Variants in GPHN observed in about 807,000 individuals in gnomAD.
The protein encoded by GPHN is gephyrin.
A neutral mutation model predicts 95.5 loss-of-function variants in GPHN; 17 were observed. That is an observed-to-expected ratio of 0.18 (90% confidence interval 0.12 to 0.27). The LOEUF is 0.27. GPHN is among the 10% of genes least tolerant of loss of function. GPHN has a pLI of 1.00. For synonymous variants in GPHN, 320 were observed against 322.5 expected (o/e 0.99, Z 0.08); for missense variants, 660 against 978.1 (o/e 0.67, Z 4.34).
chr14:66,965,359 C>G, intron 9 of GPHN, 34 bp downstream of exon 9: 1 of 1,597,998 alleles, frequency 6.3e-7, no homozygotes, highest in Non-Finnish European at 8.6e-7. Flanking sequence ...TACACCTGCT[C>G]TTCTATAGTA....
At chr14:67,733,714 C>T in the GPHN span, 1 of 1,438,168 alleles carries the variant, frequency 7.0e-7, no homozygotes. Context: ...AATTCTCATT[C>T]CTGGAATTTA....
chr14:66,693,505 G>T (rs72726494), intron 2 of GPHN, among the ~76,000 whole-genome samples: 8,910 of 152,180 alleles, frequency 0.059, 353 homozygotes, highest in Middle Eastern at 0.099. Flanking sequence ...CAGTTATGGA[G>T]GCTGAGGACT....
At chr14:67,320,635 T>TTA in the GPHN span, among the ~76,000 whole-genome samples, 1 of 152,188 alleles carries the variant, frequency 6.6e-6, no homozygotes, top group Non-Finnish European at 1.5e-5. Context: ...TTTGGGCCCC[T>TTA]TATAATTTCC....
At chr14:67,004,942 T>C (rs986028318) in intron 9 of GPHN, among the ~76,000 whole-genome samples, 1 of 151,762 alleles carries the variant, frequency 6.6e-6, no homozygotes. Context: ...TTTTCATCCT[T>C]TAAATCATTT....
the GPHN span, chr14:67,382,661 G>T: frequency 6.4e-7 from 1 of 1,554,526 alleles, no homozygotes; most frequent in South Asian, 1.1e-5. Context: ...AGGTAAATAA[G>T]AGCTGTCGGC....
intron 1 of GPHN, among the ~76,000 whole-genome samples, chr14:66,649,835 A>G (rs147054335): frequency 1.4e-3 from 207 of 152,310 alleles, no homozygotes; most frequent in African/African-American, 4.7e-3. Context: ...CTTCAATTGT[A>G]CAGCTGCATC....
At chr14:66,629,648 A>G (rs2063708838) in intron 1 of GPHN, among the ~76,000 whole-genome samples, 1 of 152,148 alleles carries the variant, frequency 6.6e-6, no homozygotes, top group Admixed American at 6.5e-5. Flanking sequence ...GTTTTTTTAT[A>G]TGATTGCCAC....
At chr14:67,109,215 C>T (rs1158486422) in intron 13 of GPHN, among the ~76,000 whole-genome samples, 1 of 152,222 alleles carries the variant, frequency 6.6e-6, no homozygotes, top group East Asian at 1.9e-4. Context: ...TATCCTTATG[C>T]AGCACGTGAC....
chr14:67,561,959 G>A, the GPHN span: 1 of 1,612,694 alleles, frequency 6.2e-7, no homozygotes, highest in African/African-American at 1.3e-5. Flanking sequence ...CTCAGCTTGA[G>A]ATGGAGAATC....
intron 4 of GPHN, among the ~76,000 whole-genome samples, chr14:66,853,829 T>A (rs1341424135): frequency 6.6e-6 from 1 of 152,232 alleles, no homozygotes; most frequent in African/African-American, 2.4e-5. Flanking sequence ...AAAACAGATT[T>A]TGGCACTGTA....
chr14:67,624,518 C>T, the GPHN span, among the ~76,000 whole-genome samples: 12 of 152,248 alleles, frequency 7.9e-5, no homozygotes, highest in South Asian at 8.3e-4. Flanking sequence ...GAAGCAAGCA[C>T]GTCTTATATG....
intron 1 of GPHN, among the ~76,000 whole-genome samples, chr14:66,668,771 A>C (rs982076120): frequency 2.0e-5 from 3 of 152,098 alleles, no homozygotes; most frequent in Non-Finnish European, 4.4e-5. Context: ...CACATCCTGC[A>C]CTTGTACCCG....
chr14:67,148,112 A>G (rs1205043762), intron 18 of GPHN, among the ~76,000 whole-genome samples: 3 of 152,210 alleles, frequency 2.0e-5, no homozygotes. Flanking sequence ...ATTTTTCAAA[A>G]CAATAAAATA....
At chr14:67,273,999 T>C in the GPHN span, among the ~76,000 whole-genome samples, 1 of 152,232 alleles carries the variant, frequency 6.6e-6, no homozygotes, top group Non-Finnish European at 1.5e-5. Context: ...TTTGTTTAAG[T>C]TCTTTGTAGA....
At chr14:66,533,332 A>T (rs2059017126) in intron 1 of GPHN, among the ~76,000 whole-genome samples, 2 of 152,202 alleles carry the variant, frequency 1.3e-5, no homozygotes, top group South Asian at 4.1e-4. Flanking sequence ...ATAGTATGTA[A>T]AGATGATCTT....
chr14:67,438,531 T>C, the GPHN span, among the ~76,000 whole-genome samples: 8 of 152,156 alleles, frequency 5.3e-5, no homozygotes, highest in Non-Finnish European at 2.9e-5. Context: ...GAAACAGGAA[T>C]AATAACCCCC....
At chr14:67,325,809 G>A in the GPHN span, among the ~76,000 whole-genome samples, 1 of 145,602 alleles carries the variant, frequency 6.9e-6, no homozygotes, top group African/African-American at 2.7e-5. Flanking sequence ...AACATGTTAA[G>A]CATCTTTTTT....
chr14:66,771,016 G>A (rs1322684926), intron 2 of GPHN, among the ~76,000 whole-genome samples: 2 of 152,066 alleles, frequency 1.3e-5, no homozygotes, highest in Non-Finnish European at 2.9e-5. Flanking sequence ...TGAATAAAAG[G>A]ATTCTCAGGC....
chr14:66,998,910 T>C (rs995374), intron 9 of GPHN, among the ~76,000 whole-genome samples: 18,496 of 112,454 alleles, frequency 0.16, 1,488 homozygotes, highest in African/African-American at 0.43. Flanking sequence ...TATATACACA[T>C]ATATATATAT....
Sources: gnomAD v4.1 joint callset for allele counts (sites outside exome capture counted in the v4.1 genomes callset) on GRCh38, gnomAD v4.1.1 for gene constraint, MANE v1.5 for transcripts, NCBI Gene and HGNC (gene_info 2026-07-23, HGNC 2026-07-21) for gene names.